The following ZNF644 variants were observed in gnomAD, a reference collection of about 807,000 sequenced individuals.
The protein encoded by ZNF644 is zinc finger motif enhancer binding protein 2.
A neutral mutation model predicts 108.0 loss-of-function variants in ZNF644; 20 were observed. That is an observed-to-expected ratio of 0.19 (90% confidence interval 0.13 to 0.27). ZNF644 has a LOEUF of 0.27. Ranked by LOEUF, ZNF644 falls within the 10% of genes least tolerant of loss-of-function variation. ZNF644 has a pLI of 1.00. For missense variants in ZNF644, 1,338 were observed against 1,548.9 expected (o/e 0.86, Z 2.29); for synonymous variants, 542 against 539.1 (o/e 1.01, Z -0.08).
chr1:90,976,714 A>T (rs1403237115), intron 2 of ZNF644, among the ~76,000 whole-genome samples: 1 of 152,210 alleles, frequency 6.6e-6, no homozygotes, highest in Non-Finnish European at 1.5e-5. Flanking sequence ...TTAACAGCAC[A>T]GTGAAACCAA....
chr1:90,953,178 C>A (rs1380032751), intron 2 of ZNF644, among the ~76,000 whole-genome samples: 2 of 152,158 alleles, frequency 1.3e-5, no homozygotes, highest in Non-Finnish European at 1.5e-5. Context: ...ACATCTCCCC[C>A]CCTCATTAAA....
At chr1:90,961,406 G>A (rs947145637) in intron 2 of ZNF644, among the ~76,000 whole-genome samples, 3 of 152,026 alleles carry the variant, frequency 2.0e-5, no homozygotes, top group Non-Finnish European at 4.4e-5. Flanking sequence ...TGAGTTGTGG[G>A]GCCCAGGGGG....
At chr1:90,929,715 C>T (rs193227092) in intron 4 of ZNF644, among the ~76,000 whole-genome samples, 1 of 152,260 alleles carries the variant, frequency 6.6e-6, no homozygotes, top group Non-Finnish European at 1.5e-5. Context: ...GCTTACAAAC[C>T]CATTCAGCAC....
chr1:90,946,830 T>G (rs1462955066), intron 2 of ZNF644, among the ~76,000 whole-genome samples: 2 of 152,142 alleles, frequency 1.3e-5, no homozygotes, highest in Non-Finnish European at 2.9e-5. Context: ...CTGAACCTGT[T>G]GAACAGCTTG....
At chr1:90,935,259 A>T in intron 4 of ZNF644, 1 of 546,650 alleles carries the variant, frequency 1.8e-6, no homozygotes, top group Non-Finnish European at 2.3e-6. Flanking sequence ...CTAACAGTTT[A>T]CAAGTTGCTG....
chr1:90,938,369 GGCTTCATA>G lies in ZNF644; in HGVS notation c.2977_2984del (p.Tyr993ProfsTer13). 1 of 1,613,800 alleles carries G rather than the reference GGCTTCATA, an allele frequency of 6.2e-7. No individual in the cohort carries two copies. Among genetic ancestry groups the G allele is most frequent in the Non-Finnish European group, 8.5e-7 (1 of 1,179,882 alleles). ...TTTGTTCTGGTGATACAACATGACG[GGCTTCATA>G]GCTTAATCCTGCTCTGTGAAGATGC... On this transcript the variant is annotated frameshift_variant, in exon 3 of 6. Transcript: ENST00000337393. LOFTEE classifies it high-confidence loss of function. The surrounding 1 kb of genome is among the most constrained non-coding windows in gnomAD (Gnocchi z 4.2).
At chr1:91,019,712 A>AGCTCCTACTATAGCGT (rs1553164756) in intron 1 of ZNF644, among the ~76,000 whole-genome samples, 1 of 152,086 alleles carries the variant, frequency 6.6e-6, no homozygotes, top group Non-Finnish European at 1.5e-5. Context: ...GTGGGACTAT[A>AGCTCCTACTATAGCGT]GGCACCACCA....
chr1:91,013,220 C>T (rs1026713991), intron 1 of ZNF644, among the ~76,000 whole-genome samples: 1 of 151,978 alleles, frequency 6.6e-6, no homozygotes, highest in African/African-American at 2.4e-5. Context: ...ATTATAGGTG[C>T]ACACCACCAT....
intron 1 of ZNF644, among the ~76,000 whole-genome samples, chr1:91,011,874 C>T (rs1039475142): frequency 6.6e-6 from 1 of 152,100 alleles, no homozygotes. Context: ...TGGAAGCTAC[C>T]ATCAAAGAGG....
At chr1:90,982,147 C>T (rs1656612723) in intron 2 of ZNF644, among the ~76,000 whole-genome samples, 163 bp downstream of exon 2, 1 of 152,080 alleles carries the variant, frequency 6.6e-6, no homozygotes, top group Non-Finnish European at 1.5e-5. Flanking sequence ...TTACTCCCAT[C>T]AAATCAACTG....
rs540183627 is a variant in ZNF644, at chr1:90,953,084, T to G, written c.45-11775A>C. On this transcript the variant is annotated intron_variant, in intron 2 of 5. Coordinates refer to ENST00000337393, the MANE Select transcript of ZNF644 (RefSeq NM_201269.3). ...CATGCTATCAGACTATCTGATGTTC[T>G]GTCACAACGTTGCCTTAAGAAAAAA... Among the ~76,000 whole-genome samples, 4 of 151,112 alleles carry G rather than the reference T, an allele frequency of 2.6e-5. No homozygotes were observed. In the South Asian group the frequency reaches 8.4e-4, roughly 32 times the overall value.
At chr1:90,918,001 T>G in intron 5 of ZNF644, 51 bp downstream of exon 5, 1 of 1,479,614 alleles carries the variant, frequency 6.8e-7, no homozygotes. Context: ...CTAATATGTT[T>G]CAAAGCAAAG....
chr1:90,998,588 A>G (rs753374532), intron 1 of ZNF644, among the ~76,000 whole-genome samples: 6 of 152,238 alleles, frequency 3.9e-5, no homozygotes, highest in Non-Finnish European at 8.8e-5. Context: ...ATAAAACCAC[A>G]AAGATGGGGA....
chr1:91,012,973 T>C (rs190191110), intron 1 of ZNF644, among the ~76,000 whole-genome samples: 13 of 152,336 alleles, frequency 8.5e-5, no homozygotes, highest in Admixed American at 2.0e-4. Context: ...AATGAAACAC[T>C]TTCCCTTTTG....
chr1:90,945,045 A>G (rs951493104), intron 2 of ZNF644, among the ~76,000 whole-genome samples: 1 of 152,188 alleles, frequency 6.6e-6, no homozygotes, highest in Non-Finnish European at 1.5e-5. Flanking sequence ...TAGTTTTTCA[A>G]CTACCTTTGT....
intron 5 of ZNF644, among the ~76,000 whole-genome samples, 157 bp downstream of exon 5, chr1:90,917,895 C>A (rs1648981769): frequency 6.6e-6 from 1 of 152,150 alleles, no homozygotes; most frequent in Admixed American, 6.5e-5. Context: ...ATATTGTGAG[C>A]TGAATTAAGA....
chr1:90,946,643 A>T (rs1443902824), intron 2 of ZNF644, among the ~76,000 whole-genome samples: 1 of 152,180 alleles, frequency 6.6e-6, no homozygotes, highest in Non-Finnish European at 1.5e-5. Context: ...ATTGTTGAAC[A>T]ATGAAAATAT....
chr1:90,923,874 A>T (rs531468940), intron 4 of ZNF644, among the ~76,000 whole-genome samples: 1 of 152,314 alleles, frequency 6.6e-6, no homozygotes, highest in East Asian at 1.9e-4. Context: ...ACAAAGTAGG[A>T]AGTTAAATTA....
At chr1:90,927,443 C>A (rs939570714) in intron 4 of ZNF644, among the ~76,000 whole-genome samples, 1 of 151,902 alleles carries the variant, frequency 6.6e-6, no homozygotes, top group Admixed American at 6.6e-5. Flanking sequence ...TAAGGGTTAC[C>A]CAAAATACTC....
Sources: gnomAD v4.1 joint callset for allele counts (sites outside exome capture counted in the v4.1 genomes callset) on GRCh38, gnomAD v4.1.1 for gene constraint, Gnocchi (gnomAD v3.1) non-coding constraint, MANE v1.5 for transcripts, NCBI Gene and HGNC (gene_info 2026-07-23, HGNC 2026-07-21) for gene names.